The following AKAP6 variants were observed in gnomAD, a reference collection of about 807,000 sequenced individuals.
The protein encoded by AKAP6 is A-kinase anchoring protein 6.
Under a neutral mutation model 188.5 loss-of-function variants are expected in AKAP6, and 58 were observed. The observed-to-expected ratio is 0.31, with a 90% CI of 0.25 to 0.38. The LOEUF (loss-of-function observed/expected upper bound fraction) is 0.38. Ranked by LOEUF, AKAP6 falls within the 10% of genes least tolerant of loss-of-function variation. The pLI, the probability that AKAP6 is intolerant of heterozygous loss-of-function variation, is 1.00. For synonymous variants in AKAP6, 989 were observed against 998.6 expected, an observed-to-expected ratio of 0.99 and a Z score of 0.18; for missense variants, 2,710 against 2,740.0, an observed-to-expected ratio of 0.99 and a Z score of 0.24.
intron 12 of AKAP6, among the ~76,000 whole-genome samples, chr14:32,802,748 G>A (rs1213219541): frequency 1.3e-5 from 2 of 152,164 alleles, no homozygotes; most frequent in Non-Finnish European, 1.5e-5. Context: ...AACAATATGG[G>A]TTTTAAGTAA....
At chr14:32,530,501 A>G (rs930616204) in intron 2 of AKAP6, among the ~76,000 whole-genome samples, 2 of 152,150 alleles carry the variant, frequency 1.3e-5, no homozygotes, top group South Asian at 2.1e-4. Context: ...GAGATTGGCA[A>G]TTTGAGGCAC....
chr14:32,408,931 C>G (rs1170478821), intron 1 of AKAP6, among the ~76,000 whole-genome samples: 3 of 152,018 alleles, frequency 2.0e-5, no homozygotes, highest in Admixed American at 6.5e-5. Context: ...TGGCTCACCC[C>G]TATATCGCCT....
chr14:32,372,961 A>G (rs1000398844), intron 1 of AKAP6, among the ~76,000 whole-genome samples: 30 of 152,042 alleles, frequency 2.0e-4, no homozygotes, highest in Admixed American at 7.9e-4. Flanking sequence ...ACTATTGCTA[A>G]TTGTTGCTTG....
chr14:32,495,568 C>T (rs7140438), intron 2 of AKAP6, among the ~76,000 whole-genome samples: 4,871 of 152,282 alleles, frequency 0.032, 237 homozygotes, highest in African/African-American at 0.11. Context: ...GCCAAATGAA[C>T]GTCTTCGTAT....
Position 32,735,754 on chromosome 14 carries a change from C to A in AKAP6, c.3244C>A (p.Gln1082Lys), listed in dbSNP as rs372939559. Reference protein sequence around the residue: ...LSPESGSLVRQLEVRIKELKG... With the variant: ...LSPESGSLVRKLEVRIKELKG... The stretch of plus-strand genomic sequence containing the variant: ...TCCTGAAAGTGGAAGCCTGGTAAGG[C>A]AGCTGGAGGTCAGGATCAAAGAACT... Residue 1082 changes from glutamine (Q) to lysine (K), a missense_variant, in exon 11 of 14, where the codon CAG (glutamine) becomes AAG (lysine). By Grantham distance (53) the Gln-to-Lys change is moderately conservative (BLOSUM62 1). Coordinates refer to ENST00000280979, the MANE Select transcript of AKAP6 (RefSeq NM_004274.5). The A allele has an allele frequency of 1.2e-6, 2 of 1,613,350 alleles. No individual in the cohort carries two copies. Among genetic ancestry groups the A allele is most frequent in the African/African-American group, 2.7e-5 (2 of 74,844 alleles).
intron 2 of AKAP6, among the ~76,000 whole-genome samples, chr14:32,469,189 TTCA>T (rs1203557090): frequency 2.0e-5 from 3 of 152,196 alleles, no homozygotes; most frequent in Non-Finnish European, 1.5e-5. Context: ...CCTGGTAAAG[TTCA>T]TCAACTTGCT....
chr14:32,603,878 T>G (rs1434534744), intron 7 of AKAP6, among the ~76,000 whole-genome samples: 1 of 152,014 alleles, frequency 6.6e-6, no homozygotes, highest in East Asian at 1.9e-4. Flanking sequence ...TATCTTTGAA[T>G]TTTCCAAACC....
intron 1 of AKAP6, among the ~76,000 whole-genome samples, chr14:32,377,986 A>G (rs1339506762): frequency 6.6e-6 from 1 of 152,158 alleles, no homozygotes; most frequent in African/African-American, 2.4e-5. Flanking sequence ...GAATACTTAT[A>G]CTGAAAATTC....
chr14:32,364,601 A>G (rs529357473), intron 1 of AKAP6, among the ~76,000 whole-genome samples: 1 of 152,024 alleles, frequency 6.6e-6, no homozygotes, highest in Non-Finnish European at 1.5e-5. Flanking sequence ...TATTTAGACC[A>G]TATCCTCCCT....
chr14:32,692,801 C>A (rs934224425), intron 8 of AKAP6, among the ~76,000 whole-genome samples: 1 of 152,190 alleles, frequency 6.6e-6, no homozygotes, highest in African/African-American at 2.4e-5. Flanking sequence ...TTCAGTGGTG[C>A]ACATGTATGA....
Position 32,835,859 on chromosome 14 carries a change from T to A in AKAP6, c.*6054T>A, listed in dbSNP as rs773650070. On this transcript the variant is annotated 3_prime_UTR_variant, in exon 14 of 14. Coordinates refer to ENST00000280979, the MANE Select transcript of AKAP6 (RefSeq NM_004274.5). The stretch of plus-strand genomic sequence containing the variant: ...CACTTCTTTTTTAAAAGCAGCCACA[T>A]ACCTTCTATATAACAATGGCCCTTT... The A allele has an allele frequency of 1.2e-4, 18 of 152,258 alleles. No individual in the cohort carries two copies. The highest frequency in any genetic ancestry group is 2.4e-4 in the Non-Finnish European group (16 of 68,048). 9.4% of individuals were successfully genotyped at this position (152,258 alleles called of 1,614,324 possible). A position where few individuals can be genotyped will look rare whatever the true frequency, so the allele number is the denominator to read the frequency against.
intron 7 of AKAP6, among the ~76,000 whole-genome samples, chr14:32,674,366 G>A (rs1889341332): frequency 6.6e-6 from 1 of 152,178 alleles, no homozygotes; most frequent in African/African-American, 2.4e-5. Flanking sequence ...AGAGGTCTAA[G>A]AATGAGCGAA....
chr14:32,762,651 A>G (rs1257066286), intron 11 of AKAP6, among the ~76,000 whole-genome samples: 1 of 152,118 alleles, frequency 6.6e-6, no homozygotes, highest in Non-Finnish European at 1.5e-5. Context: ...TCCAAGTAAA[A>G]TTAATACATA....
Position 32,441,463 on chromosome 14 carries a change from C to G in AKAP6, c.324+7646C>G, listed in dbSNP as rs545825882. The stretch of plus-strand genomic sequence containing the variant: ...AATTGTTGAATAATTATCTCTCTCT[C>G]TCTTCCCCATCCAATGCTGGAAAAC... On this transcript the variant is annotated intron_variant, in intron 2 of 13. Transcript: ENST00000280979. Among the ~76,000 whole-genome samples, 33 of 152,340 alleles carry G rather than the reference C, an allele frequency of 2.2e-4. No homozygotes were observed. In the South Asian group the frequency reaches 6.2e-3, roughly 29 times the overall value.
chr14:32,717,051 C>T (rs981524), intron 9 of AKAP6, among the ~76,000 whole-genome samples: 110,327 of 151,966 alleles, frequency 0.73, 41,204 homozygotes, highest in South Asian at 0.83. Context: ...ATGAAATGAC[C>T]TTCCCTGGAG....
chr14:32,554,177 T>G (rs1449440586), intron 4 of AKAP6, among the ~76,000 whole-genome samples: 2 of 152,244 alleles, frequency 1.3e-5, no homozygotes, highest in Admixed American at 1.3e-4. Flanking sequence ...TTATTGGAAC[T>G]CAGCCATGGT....
At position 32,822,943 on chromosome 14, in the gene AKAP6, G is replaced by C; in HGVS notation, c.5130G>C (p.Lys1710Asn). 1 of 1,613,894 alleles carries C rather than the reference G, an allele frequency of 6.2e-7. No homozygotes were observed. ...AGGATATTGTGTTACACAAGAACAA[G>C]ATCCCGGAATCGAATGCATCGTTCA... ...CSEDIVLHKN[K>N]IPESNASFRK... is the part of the protein sequence containing the mutation. Residue 1710 changes from lysine to asparagine, a missense_variant, in exon 13 of 14, where the codon AAG becomes AAC. This residue lies in a region of AKAP6 where 2,473 missense variants were observed against 2,426.1 expected (regional missense o/e 1.02). Transcript: ENST00000280979.
chr14:32,788,040 CAAAAAA>C (rs10606532), intron 12 of AKAP6, among the ~76,000 whole-genome samples: 6 of 96,334 alleles, frequency 6.2e-5, no homozygotes, highest in Admixed American at 3.6e-4. Flanking sequence ...GACCCCATCT[CAAAAAA>C]AAAAAAAAAA....
chr14:32,785,095 G>A (rs560846860), intron 12 of AKAP6, among the ~76,000 whole-genome samples: 2 of 152,158 alleles, frequency 1.3e-5, no homozygotes, highest in African/African-American at 4.8e-5. Flanking sequence ...AGACTGGATT[G>A]AATTAGAGAA....
Sources: gnomAD v4.1 joint callset for allele counts (sites outside exome capture counted in the v4.1 genomes callset) on GRCh38, gnomAD v4.1.1 for gene constraint, gnomAD v4.1.1 regional missense constraint, MANE v1.5 for transcripts, NCBI Gene and HGNC (gene_info 2026-07-23, HGNC 2026-07-21) for gene names.